Variants in DMD observed in about 807,000 individuals in gnomAD.
DMD encodes mutant dystrophin.
In DMD, 63 loss-of-function variants were observed where a neutral mutation model predicts 330.1. The observed-to-expected ratio is 0.19, with a 90% confidence interval of 0.16 to 0.24. DMD has a LOEUF of 0.24. Among genes scored for constraint, DMD ranks in the 10% least tolerant of loss-of-function variants. The pLI, the probability that DMD is intolerant of heterozygous loss-of-function variation, is 1.00. For synonymous variants in DMD, 1,223 were observed against 959.8 expected (o/e 1.27, Z -5.07); for missense variants, 3,344 against 2,684.1 (o/e 1.25, Z -5.43).
At chrX:32,031,908 A>G (rs1323495416) in intron 44 of DMD, among the ~76,000 whole-genome samples, 1 of 112,058 alleles carries the variant, frequency 8.9e-6, no homozygotes, top group African/African-American at 3.2e-5. Context: ...GTCTTTGTAC[A>G]CCTAATACTT....
At chrX:31,299,824 C>T (rs2054505508) in intron 62 of DMD, among the ~76,000 whole-genome samples, 1 of 102,885 alleles carries the variant, frequency 9.7e-6, no homozygotes, top group South Asian at 4.5e-4. Context: ...TACAGGTAAG[C>T]TATTTGAATA....
chrX:31,308,507 G>A (rs899897828), intron 62 of DMD, among the ~76,000 whole-genome samples: 1 of 111,058 alleles, frequency 9.0e-6, no homozygotes, highest in African/African-American at 3.3e-5. Flanking sequence ...AACACCAGTG[G>A]GGCTATCTAG....
intron 1 of DMD, among the ~76,000 whole-genome samples, chrX:33,323,492 G>A (rs1375962558): frequency 1.8e-5 from 2 of 111,559 alleles, no homozygotes; most frequent in South Asian, 3.7e-4. Flanking sequence ...TGGGGTTATA[G>A]GGTGAAAGTT....
At position 31,762,709 on chromosome X, in the gene DMD, T is replaced by C. The variant is rs765003478; in HGVS notation, c.7542+11251A>G. Among the ~76,000 whole-genome samples, 5 of 112,119 alleles carry C rather than the reference T, an allele frequency of 4.5e-5. No homozygotes were observed. In the South Asian group the frequency reaches 1.8e-3, roughly 41 times the overall value. ...GAACACATAATTCTGGAAGTCTTGC[T>C]CTATGAGAAAAAGAAACTATCTGGA... On this transcript the variant is annotated intron_variant, in intron 51 of 78. Coordinates refer to ENST00000357033, the MANE Select transcript of DMD (RefSeq NM_004006.3).
At chrX:32,046,589 T>C (rs952863311) in intron 44 of DMD, among the ~76,000 whole-genome samples, 8 of 111,968 alleles carry the variant, frequency 7.1e-5, no homozygotes, top group African/African-American at 2.6e-4. Context: ...TTTGTGATGC[T>C]CTCATTTTAG....
chrX:32,865,540 C>T (rs1016169418), intron 2 of DMD, among the ~76,000 whole-genome samples: 4 of 111,976 alleles, frequency 3.6e-5, no homozygotes, highest in Middle Eastern at 9.2e-3. Context: ...CTTCTTGGAA[C>T]GTAAGTGGAC....
At chrX:32,121,063 T>C (rs756610380) in intron 44 of DMD, among the ~76,000 whole-genome samples, 1 of 112,241 alleles carries the variant, frequency 8.9e-6, no homozygotes, top group African/African-American at 3.2e-5. Context: ...CAAACGTTCG[T>C]TAGAAGTTAC....
chrX:32,715,432 G>C (rs146041548), intron 7 of DMD, among the ~76,000 whole-genome samples: 1,726 of 86,446 alleles, frequency 0.02, 48 homozygotes, highest in African/African-American at 0.075. Context: ...AGCCGAGATT[G>C]TGCCACTGCA....
chrX:32,791,171 G>A (rs887510768), intron 7 of DMD, among the ~76,000 whole-genome samples: 1 of 111,409 alleles, frequency 9.0e-6, no homozygotes, highest in African/African-American at 3.3e-5. Flanking sequence ...CCAATCTGTT[G>A]CATCCACCAC....
intron 55 of DMD, among the ~76,000 whole-genome samples, chrX:31,613,814 C>G (rs1374250755): frequency 9.0e-6 from 1 of 111,579 alleles, no homozygotes; most frequent in Middle Eastern, 4.2e-3. Flanking sequence ...TATTTTCATG[C>G]CTGTTTACTG....
At chrX:33,072,065 AT>A (rs765807302) in intron 1 of DMD, among the ~76,000 whole-genome samples, 1 of 112,235 alleles carries the variant, frequency 8.9e-6, no homozygotes, top group African/African-American at 3.2e-5. Flanking sequence ...TTTTCAATGT[AT>A]CAAAATCTAC....
chrX:32,613,113 GATAAA>G (rs1235333817), intron 12 of DMD, among the ~76,000 whole-genome samples: 4 of 111,746 alleles, frequency 3.6e-5, no homozygotes, highest in African/African-American at 1.3e-4. Flanking sequence ...AGAGTTGCCA[GATAAA>G]ATAAAAGACA....
intron 1 of DMD, among the ~76,000 whole-genome samples, chrX:33,179,401 G>T (rs1479261624): frequency 1.8e-5 from 2 of 111,382 alleles, no homozygotes; most frequent in African/African-American, 6.5e-5. Flanking sequence ...GCCTAATTTA[G>T]AAATTGAATG....
intron 2 of DMD, among the ~76,000 whole-genome samples, chrX:32,956,248 T>C (rs770279587): frequency 8.9e-6 from 1 of 111,979 alleles, no homozygotes; most frequent in African/African-American, 3.2e-5. Flanking sequence ...ATCTAATAAA[T>C]TGCGTTGAGC....
At chrX:32,632,967 C>T (rs2058843915) in intron 11 of DMD, among the ~76,000 whole-genome samples, 1 of 112,296 alleles carries the variant, frequency 8.9e-6, no homozygotes, top group Non-Finnish European at 1.9e-5. Flanking sequence ...TGCTCAGAAG[C>T]CTTCTTGAGT....
intron 9 of DMD, among the ~76,000 whole-genome samples, chrX:32,658,914 AT>A (rs2060769390): frequency 8.9e-6 from 1 of 111,932 alleles, no homozygotes. Flanking sequence ...AAGTTTTTTA[AT>A]TTCACACTCT....
At chrX:31,628,515 C>A (rs1000340922) in intron 54 of DMD, among the ~76,000 whole-genome samples, 4 of 111,444 alleles carry the variant, frequency 3.6e-5, no homozygotes, top group African/African-American at 1.3e-4. Flanking sequence ...TGCATGACAT[C>A]AGTTATAATT....
rs769550545 is a variant in DMD, at chrX:31,771,833, C to T, written c.7542+2127G>A. The stretch of plus-strand genomic sequence containing the variant: ...TTAGTTTTTGACCTATATTTAAAGA[C>T]GATCTCTGTGAGGGGGCATCAAATC... On this transcript the variant is annotated intron_variant, in intron 51 of 78. Coordinates refer to ENST00000357033, the MANE Select transcript of DMD (RefSeq NM_004006.3). 5.4e-5 allele frequency among the ~76,000 whole-genome samples: 6 copies of T among 111,340 alleles called. No individual in the cohort carries two copies. The East Asian group carries it at 8.5e-4, about 16-fold the overall frequency.
At chrX:31,872,464 A>T (rs752803113) in intron 48 of DMD, among the ~76,000 whole-genome samples, 1 of 111,941 alleles carries the variant, frequency 8.9e-6, no homozygotes, top group African/African-American at 3.2e-5. Context: ...GGGGGCACAG[A>T]CTGGGACAAA....
Sources: gnomAD v4.1 joint callset for allele counts (sites outside exome capture counted in the v4.1 genomes callset) on GRCh38, gnomAD v4.1.1 for gene constraint, MANE v1.5 for transcripts, NCBI Gene and HGNC (gene_info 2026-07-23, HGNC 2026-07-21) for gene names.